Variants in SLF1 observed in about 807,000 individuals in gnomAD.
SLF1 encodes SMC5-SMC6 complex localization factor protein 1.
SLF1 carries 105 observed loss-of-function variants against 123.0 expected under a neutral mutation model. The ratio of observed to expected loss-of-function variants is 0.85; its 90% CI spans 0.73 to 1.00. The LOEUF (loss-of-function observed/expected upper bound fraction) is 1.00, where lower values mean the gene tolerates loss of function less well. Ranked by LOEUF, SLF1 falls within the 50% of genes least tolerant of loss-of-function variation. SLF1 has a pLI of 0.00. For synonymous variants in SLF1, 434 were observed against 406.6 expected (o/e 1.07, Z -0.81); for missense variants, 1,239 against 1,223.0 (o/e 1.01, Z -0.20).
At chr5:94,639,664 C>T (rs1286743524) in intron 4 of SLF1, among the ~76,000 whole-genome samples, 12 of 152,144 alleles carry the variant, frequency 7.9e-5, no homozygotes, top group Non-Finnish European at 1.5e-4. Flanking sequence ...GACTGGAAGC[C>T]TTACTGATAA....
chr5:94,689,746 G>A (rs1425491968), intron 18 of SLF1, 140 bp downstream of exon 18: 11 of 690,794 alleles, frequency 1.6e-5, no homozygotes, highest in East Asian at 2.8e-5. Flanking sequence ...CTTGGATAAC[G>A]TATTATTTTC....
chr5:94,663,858 T>C lies in SLF1; in HGVS notation c.1318T>C (p.Tyr440His), dbSNP rs1749421993. ...IEELSTLQAH[Y>H]IPPVCVLHAL... ...GGAACTTTCCACTTTGCAGGCACAT[T>C]ATATCCCTCCTGTATGCGTTCTTCA... The change falls in exon 11 of 21, where the codon TAT becomes CAT. Residue 440 changes from tyrosine (Y) to histidine (H), a missense_variant. Tyr to His is a moderately conservative substitution (Grantham distance 83). Coordinates refer to ENST00000265140, the MANE Select transcript of SLF1 (RefSeq NM_032290.4). 6.4e-7 allele frequency: 1 copy of C among 1,550,906 alleles called. No homozygotes were observed. The highest frequency in any genetic ancestry group is 8.7e-7 in the Non-Finnish European group (1 of 1,146,758).
At chr5:94,658,907 T>C (rs2152483064) in intron 9 of SLF1, among the ~76,000 whole-genome samples, 1 of 140,938 alleles carries the variant, frequency 7.1e-6, no homozygotes, top group East Asian at 2.1e-4. Context: ...AGCTCTCTGT[T>C]ATATATTTTT....
chr5:94,676,808 G>A (rs956763614), intron 14 of SLF1, among the ~76,000 whole-genome samples: 1 of 152,180 alleles, frequency 6.6e-6, no homozygotes. Flanking sequence ...GCTTATGTTT[G>A]CACAATAAAC....
At chr5:94,652,330 A>G (rs897407161) in intron 7 of SLF1, among the ~76,000 whole-genome samples, 2 of 152,066 alleles carry the variant, frequency 1.3e-5, no homozygotes, top group Non-Finnish European at 2.9e-5. Context: ...TTTCTAATGC[A>G]TCCCCTTTCT....
At chr5:94,642,587 A>T (rs1306567174) in intron 4 of SLF1, among the ~76,000 whole-genome samples, 1 of 152,074 alleles carries the variant, frequency 6.6e-6, no homozygotes. Context: ...GGGGTCAATA[A>T]AAGTTAGGAT....
At chr5:94,633,379 T>A (rs1022356585) in intron 4 of SLF1, among the ~76,000 whole-genome samples, 6 of 152,264 alleles carry the variant, frequency 3.9e-5, no homozygotes, top group Non-Finnish European at 7.3e-5. Context: ...ATTTTTAATA[T>A]TTTGCTGATT....
At chr5:94,673,949 T>G (rs1442286970) in intron 14 of SLF1, among the ~76,000 whole-genome samples, 2 of 152,126 alleles carry the variant, frequency 1.3e-5, no homozygotes, top group Non-Finnish European at 2.9e-5. Context: ...AGACACTGTT[T>G]TGTGCATGTA....
At chr5:94,685,793 C>T (rs1315950000) in intron 15 of SLF1, among the ~76,000 whole-genome samples, 1 of 151,616 alleles carries the variant, frequency 6.6e-6, no homozygotes, top group Admixed American at 6.6e-5. Flanking sequence ...CGAGATCGCA[C>T]CACTGCACTC....
At chr5:94,622,003 A>AT (rs1322539265) in intron 1 of SLF1, among the ~76,000 whole-genome samples, 1 of 152,186 alleles carries the variant, frequency 6.6e-6, no homozygotes, top group East Asian at 1.9e-4. Flanking sequence ...CAGCTGAATG[A>AT]TATTAAACCA....
chr5:94,692,271 G>A lies in SLF1; in HGVS notation c.2695+15G>A. The A allele has an allele frequency of 2.5e-6, 4 of 1,602,754 alleles. No homozygotes were observed. The highest frequency in any genetic ancestry group is 3.4e-6 in the Non-Finnish European group (4 of 1,173,098). Reference sequence around the variant, plus strand: ...ACAGCATGGGGGTGAGTGTGTTTATGCTAAATGGGTTTTGATAAATTATCC... The same window carrying A: ...ACAGCATGGGGGTGAGTGTGTTTATACTAAATGGGTTTTGATAAATTATCC... On this transcript the variant is annotated intron_variant, in intron 20 of 20. Transcript: ENST00000265140.
intron 15 of SLF1, among the ~76,000 whole-genome samples, chr5:94,681,423 G>A (rs768147432): frequency 7.2e-5 from 11 of 152,096 alleles, no homozygotes; most frequent in African/African-American, 1.4e-4. Flanking sequence ...GAACCACTGC[G>A]CCCAGCCAAA....
intron 1 of SLF1, among the ~76,000 whole-genome samples, chr5:94,625,914 A>G (rs898752981): frequency 6.6e-6 from 1 of 152,126 alleles, no homozygotes; most frequent in Non-Finnish European, 1.5e-5. Flanking sequence ...AATGGTTATT[A>G]ACATTCAAGA....
At chr5:94,622,696 TG>T (rs1247034061) in intron 1 of SLF1, among the ~76,000 whole-genome samples, 2 of 152,072 alleles carry the variant, frequency 1.3e-5, no homozygotes, top group Non-Finnish European at 2.9e-5. Context: ...AAGGTTATTT[TG>T]GGGGGAAAAC....
At chr5:94,638,128 C>T (rs79180380) in intron 4 of SLF1, among the ~76,000 whole-genome samples, 5,054 of 151,894 alleles carry the variant, frequency 0.033, 214 homozygotes, top group East Asian at 0.21. Flanking sequence ...AAGATTTGTG[C>T]GCTGGTTTTT....
In SLF1 at chr5:94,696,778, G is replaced by C. The variant is rs1019972867; in HGVS notation, c.*1466G>C. 1 of 151,732 alleles carries C rather than the reference G, an allele frequency of 6.6e-6. No homozygotes were observed. Among genetic ancestry groups the C allele is most frequent in the African/African-American group, 2.4e-5 (1 of 41,374 alleles). 9.4% of individuals were successfully genotyped at this position (151,732 alleles called of 1,614,324 possible). A position where few individuals can be genotyped will look rare whatever the true frequency, so the allele number is the denominator to read the frequency against. ...TGTCTAGTTTCTTAATAACTAAATT[G>C]CAAGGCAAATTCTTTTCTGAGCTTT... On this transcript the variant is annotated 3_prime_UTR_variant, in exon 21 of 21. Coordinates refer to ENST00000265140, the MANE Select transcript of SLF1 (RefSeq NM_032290.4).
intron 14 of SLF1, among the ~76,000 whole-genome samples, chr5:94,671,648 T>C (rs1415544645): frequency 6.7e-6 from 1 of 149,812 alleles, no homozygotes; most frequent in East Asian, 1.9e-4. Context: ...TCTTTTCTTT[T>C]AATTTTTTTT....
chr5:94,663,210 C>G (rs1456411001), intron 10 of SLF1, among the ~76,000 whole-genome samples: 1 of 152,070 alleles, frequency 6.6e-6, no homozygotes, highest in Non-Finnish European at 1.5e-5. Context: ...TAGTATTTTC[C>G]CTTACTACTG....
chr5:94,626,134 T>A (rs1390573299), intron 1 of SLF1, among the ~76,000 whole-genome samples: 1 of 151,332 alleles, frequency 6.6e-6, no homozygotes, highest in African/African-American at 2.4e-5. Flanking sequence ...GCGCCTGTAG[T>A]CCCAGCTACT....
Sources: gnomAD v4.1 joint callset for allele counts (sites outside exome capture counted in the v4.1 genomes callset) on GRCh38, gnomAD v4.1.1 for gene constraint, MANE v1.5 for transcripts, NCBI Gene and HGNC (gene_info 2026-07-23, HGNC 2026-07-21) for gene names.